PDE7B: variants seen among roughly 807,000 people sequenced by gnomAD.
PDE7B encodes the protein 3',5'-cyclic-AMP phosphodiesterase 7B.
Under a neutral mutation model 56.2 loss-of-function variants are expected in PDE7B, and 29 were observed. The ratio of observed to expected loss-of-function variants is 0.52; its 90% CI spans 0.38 to 0.70. The LOEUF (loss-of-function observed/expected upper bound fraction) is 0.70, where lower values mean the gene tolerates loss of function less well. Among genes scored for constraint, PDE7B ranks in the 30% least tolerant of loss-of-function variants. The probability of loss-of-function intolerance (pLI) is 0.00; values close to 1 mark genes in which losing one functional copy is unlikely to be tolerated. For synonymous variants in PDE7B, 197 were observed against 196.9 expected, an observed-to-expected ratio of 1.00 and a Z score of 0.00; for missense variants, 490 against 565.0, an observed-to-expected ratio of 0.87 and a Z score of 1.35.
At chr6:135,947,341 C>G in intron 1 of PDE7B, 123 bp from the exon 2 acceptor site, 1 of 751,864 alleles carries the variant, frequency 1.3e-6, no homozygotes. Context: ...AGTCCCTAGA[C>G]TCAGGTAACC....
chr6:135,991,135 T>A (rs61177685), intron 2 of PDE7B, among the ~76,000 whole-genome samples: 13,077 of 152,204 alleles, frequency 0.086, 951 homozygotes, highest in African/African-American at 0.2. Context: ...ATCTTGGTTT[T>A]GGTGGGTTTT....
chr6:135,911,901 G>A (rs1215484145), intron 1 of PDE7B, among the ~76,000 whole-genome samples: 1 of 152,090 alleles, frequency 6.6e-6, no homozygotes, highest in African/African-American at 2.4e-5. Context: ...TTTCATATAT[G>A]TGCCTTGCAT....
intron 2 of PDE7B, among the ~76,000 whole-genome samples, chr6:136,052,725 C>G (rs1478419269): frequency 1.3e-5 from 2 of 150,720 alleles, no homozygotes; most frequent in African/African-American, 4.9e-5. Context: ...AGCAATGCTT[C>G]CTTTTAGATA....
At chr6:136,015,378 C>T (rs1033181696) in intron 2 of PDE7B, among the ~76,000 whole-genome samples, 1 of 152,140 alleles carries the variant, frequency 6.6e-6, no homozygotes, top group African/African-American at 2.4e-5. Context: ...CAGATGGAGC[C>T]ATTTTCTGAT....
chr6:135,873,703 A>T (rs1184298692), intron 1 of PDE7B, among the ~76,000 whole-genome samples: 2 of 152,148 alleles, frequency 1.3e-5, no homozygotes, highest in Non-Finnish European at 2.9e-5. Context: ...AATATTGATA[A>T]TTTTTAACTT....
At chr6:135,974,322 G>GTT (rs1210484931) in intron 2 of PDE7B, among the ~76,000 whole-genome samples, 2 of 136,508 alleles carry the variant, frequency 1.5e-5, no homozygotes, top group Non-Finnish European at 3.3e-5. Flanking sequence ...ATGTGTGTAT[G>GTT]TGTGTGTGTA....
At position 136,191,912 on chromosome 6, in the gene PDE7B, C is replaced by A; in HGVS notation, c.*72C>A. ...AGGGCAGAAGCAGCGTGGAGGGGCC[C>A]TCACGCAGCAGCCCAGCCACTTTCT... On this transcript the variant is annotated 3_prime_UTR_variant, in exon 13 of 13. Coordinates refer to ENST00000308191, the MANE Select transcript of PDE7B (RefSeq NM_018945.4). 1 of 1,147,860 alleles carries A rather than the reference C, an allele frequency of 8.7e-7. No individual in the cohort carries two copies. Among genetic ancestry groups the A allele is most frequent in the Non-Finnish European group, 1.3e-6 (1 of 797,606 alleles). The allele number at this position is 1,147,860 out of a possible 1,614,324, so 71.1% of individuals were successfully genotyped here.
chr6:136,153,186 A>G (rs928355365), intron 6 of PDE7B, among the ~76,000 whole-genome samples: 1 of 152,234 alleles, frequency 6.6e-6, no homozygotes, highest in African/African-American at 2.4e-5. Context: ...TTTGTCTGAA[A>G]AGGGAGATAC....
chr6:135,866,085 CTT>C (rs1323033804), intron 1 of PDE7B, among the ~76,000 whole-genome samples: 6 of 152,064 alleles, frequency 3.9e-5, no homozygotes, highest in African/African-American at 1.2e-4. Context: ...TAATCATTAA[CTT>C]TAAAAAACAA....
intron 2 of PDE7B, among the ~76,000 whole-genome samples, chr6:136,086,797 G>C (rs990935695): frequency 3.3e-5 from 5 of 152,218 alleles, no homozygotes; most frequent in African/African-American, 1.2e-4. Flanking sequence ...GAGACATTCA[G>C]CAACAGCTTG....
chr6:135,881,673 T>A (rs1775614167), intron 1 of PDE7B, among the ~76,000 whole-genome samples: 1 of 152,154 alleles, frequency 6.6e-6, no homozygotes, highest in African/African-American at 2.4e-5. Flanking sequence ...GGCCAAAGTG[T>A]ACTGTAGATA....
intron 7 of PDE7B, among the ~76,000 whole-genome samples, chr6:136,154,916 T>C (rs1040181335): frequency 6.6e-6 from 1 of 152,206 alleles, no homozygotes; most frequent in Non-Finnish European, 1.5e-5. Flanking sequence ...TATTCAGATG[T>C]CAAACAGGCA....
chr6:135,964,341 G>T (rs1234403543), intron 2 of PDE7B, among the ~76,000 whole-genome samples: 1 of 152,248 alleles, frequency 6.6e-6, no homozygotes, highest in African/African-American at 2.4e-5. Context: ...CTGACCTCAG[G>T]TGATCTGCCT....
chr6:136,163,531 G>A (rs1778744758), intron 8 of PDE7B, among the ~76,000 whole-genome samples: 1 of 152,224 alleles, frequency 6.6e-6, no homozygotes, highest in Non-Finnish European at 1.5e-5. Flanking sequence ...ACATGCCTTG[G>A]AGACATTTAC....
chr6:135,991,163 C>A (rs1330703102), intron 2 of PDE7B, among the ~76,000 whole-genome samples: 4 of 152,122 alleles, frequency 2.6e-5, no homozygotes, highest in South Asian at 2.1e-4. Context: ...TTCTTTACTG[C>A]ACCCTGTTTT....
At chr6:135,977,951 G>C (rs6902161) in intron 2 of PDE7B, among the ~76,000 whole-genome samples, 4,639 of 152,184 alleles carry the variant, frequency 0.03, 211 homozygotes, top group African/African-American at 0.099. Context: ...GTATATACAT[G>C]TGTATACTGT....
intron 1 of PDE7B, among the ~76,000 whole-genome samples, chr6:135,923,921 A>G (rs186970899): frequency 6.6e-6 from 1 of 152,330 alleles, no homozygotes; most frequent in African/African-American, 2.4e-5. Flanking sequence ...AGTACACAGT[A>G]AAAGAAATTC....
intron 2 of PDE7B, among the ~76,000 whole-genome samples, chr6:135,994,523 G>T (rs1000546279): frequency 6.6e-6 from 1 of 152,108 alleles, no homozygotes; most frequent in Non-Finnish European, 1.5e-5. Flanking sequence ...TTCAGAGTTA[G>T]AAAGCCATTA....
intron 1 of PDE7B, among the ~76,000 whole-genome samples, chr6:135,924,289 G>A (rs1266681332): frequency 6.6e-6 from 1 of 152,188 alleles, no homozygotes; most frequent in Admixed American, 6.5e-5. Context: ...CTGATGTAGA[G>A]AAATAGATAT....
Sources: allele counts gnomAD v4.1 joint callset (sites outside exome capture counted in the v4.1 genomes callset), GRCh38; gene constraint gnomAD v4.1.1; transcripts MANE v1.5; gene names NCBI Gene and HGNC (gene_info 2026-07-23, HGNC 2026-07-21).